EXOC1: variants seen among roughly 807,000 people sequenced by gnomAD.
EXOC1 encodes SEC3-like 1.
In EXOC1, 67 loss-of-function variants were observed where a neutral mutation model predicts 107.7. That is an observed-to-expected ratio of 0.62 (90% CI 0.51 to 0.76). The LOEUF is 0.76. Ranked by LOEUF, EXOC1 falls within the 30% of genes least tolerant of loss-of-function variation. The pLI is 0.00. For missense variants in EXOC1, 833 were observed against 1,055.7 expected, an observed-to-expected ratio of 0.79 and a Z score of 2.92; for synonymous variants, 348 against 353.5, an observed-to-expected ratio of 0.98 and a Z score of 0.17.
chr4:55,895,666 C>T (rs980465213), intron 15 of EXOC1, among the ~76,000 whole-genome samples: 2 of 152,114 alleles, frequency 1.3e-5, no homozygotes, highest in African/African-American at 4.8e-5. Flanking sequence ...TGTAATCATT[C>T]CTACTGAGTA....
Position 55,877,317 on chromosome 4 carries a change from G to A in EXOC1, c.1075-600G>A, listed in dbSNP as rs1722992916. 4.1e-6 allele frequency: 4 copies of A among 985,254 alleles called. No homozygotes were observed. In the Admixed American group the frequency reaches 2.5e-4, roughly 61 times the overall value. The allele number at this position is 985,254 out of a possible 1,614,324, so 61.0% of individuals were successfully genotyped here. On this transcript the variant is annotated intron_variant, in intron 8 of 18. Transcript: ENST00000381295. ...TGGCTATCTAGGCAAATTAGATTGA[G>A]TGAAAATTACATCAAATAAATCTGT...
intron 16 of EXOC1, among the ~76,000 whole-genome samples, chr4:55,899,291 T>TA (rs1725609106): frequency 6.6e-6 from 1 of 152,138 alleles, no homozygotes; most frequent in African/African-American, 2.4e-5. Flanking sequence ...CTTTAGTACT[T>TA]ATGATTGTAT....
At chr4:55,881,289 A>G (rs1162565745) in intron 9 of EXOC1, among the ~76,000 whole-genome samples, 3 of 152,096 alleles carry the variant, frequency 2.0e-5, no homozygotes, top group African/African-American at 7.2e-5. Flanking sequence ...TTGGGTAGGA[A>G]AGGAGTTTTC....
intron 12 of EXOC1, 71 bp downstream of exon 12, chr4:55,890,457 A>T: frequency 7.2e-7 from 1 of 1,389,704 alleles, no homozygotes; most frequent in South Asian, 1.2e-5. Flanking sequence ...GGTTGCTCTA[A>T]GTGTGTTCAA....
chr4:55,877,506 A>G, intron 8 of EXOC1: 2 of 984,786 alleles, frequency 2.0e-6, no homozygotes, highest in Middle Eastern at 5.2e-4. Flanking sequence ...CTCTAATGGG[A>G]ATACCATAAA....
At position 55,868,474 on chromosome 4, in the gene EXOC1, C is replaced by T. The variant is rs773470317; in HGVS notation, c.554C>T (p.Ala185Val). 1.2e-5 allele frequency: 19 copies of T among 1,613,234 alleles called. No homozygotes were observed. The highest frequency in any genetic ancestry group is 2.2e-5 in the South Asian group (2 of 91,042). The change falls in exon 5 of 19, where the codon GCG becomes GTG. Residue 185 changes from alanine to valine, a missense_variant. This residue lies in a region of EXOC1 where 617 missense variants were observed against 701.3 expected (regional missense o/e 0.88). Transcript: ENST00000381295. ...MEGCEYAISN[A>V]EAFAEKLSRE... ...GGCTGTGAATATGCAATCTCGAATG[C>T]GGAAGCCTTTGCAGAAAAATTGTCC...
rs534578978 is a variant in EXOC1 at position 55,877,625 on chromosome 4, C to T, written c.1075-292C>T. 51 of 985,328 alleles carry T rather than the reference C, an allele frequency of 5.2e-5. 1 individual carries two copies. In the African/African-American group the frequency reaches 8.9e-4, roughly 17 times the overall value. 61.0% of individuals were successfully genotyped at this position (985,328 alleles called of 1,614,324 possible). A position where few individuals can be genotyped will look rare whatever the true frequency, so the allele number is the denominator to read the frequency against. On this transcript the variant is annotated intron_variant, in intron 8 of 18. Transcript: ENST00000381295. ...AATATGGTATGAGAGAGACAAGCTT[C>T]ATTAAAACGTTCCATCTTCATTCCT...
chr4:55,871,168 G>A lies in EXOC1; in HGVS notation c.899G>A (p.Gly300Asp). Residue 300 changes from glycine to aspartate, a missense_variant, in exon 7 of 19, where the codon GGC becomes GAC. By Grantham distance (94) the Gly-to-Asp change is moderately conservative. Transcript: ENST00000381295. The part of the protein sequence containing the change: ...LQEGDLASSR[G>D]IEACTNAADA... Reference sequence around the variant, plus strand: ...GAAGGAGATCTTGCTTCTTCCAGAGGCATTGAGGCCTGCACCAATGCTGCT... The same window carrying A: ...GAAGGAGATCTTGCTTCTTCCAGAGACATTGAGGCCTGCACCAATGCTGCT... The A allele has an allele frequency of 1.2e-6, 2 of 1,613,936 alleles. No individual in the cohort carries two copies. The highest frequency in any genetic ancestry group is 1.1e-5 in the South Asian group (1 of 91,072).
At chr4:55,901,767 A>G (rs958240313) in intron 17 of EXOC1, among the ~76,000 whole-genome samples, 1 of 152,174 alleles carries the variant, frequency 6.6e-6, no homozygotes, top group Non-Finnish European at 1.5e-5. Context: ...TGACAGAAAT[A>G]TAAATTGGTT....
intron 8 of EXOC1, chr4:55,875,496 G>C (rs942844777): frequency 2.1e-6 from 2 of 973,190 alleles, no homozygotes; most frequent in African/African-American, 3.5e-5. Context: ...GCTTAAGAGT[G>C]CAGACACTAG....
intron 9 of EXOC1, among the ~76,000 whole-genome samples, chr4:55,881,500 A>C (rs1012735908): frequency 2.6e-4 from 39 of 152,130 alleles, no homozygotes; most frequent in African/African-American, 9.4e-4. Flanking sequence ...GGAGGTCCTG[A>C]CGACATGTGC....
At chr4:55,854,155 CA>C (rs1383755204) in intron 1 of EXOC1, among the ~76,000 whole-genome samples, 2 of 152,094 alleles carry the variant, frequency 1.3e-5, no homozygotes, top group Non-Finnish European at 2.9e-5. Context: ...CCTCTTTGTC[CA>C]AATTCACATC....
chr4:55,883,219 T>G (rs952858227), intron 9 of EXOC1: 1 of 152,180 alleles, frequency 6.6e-6, no homozygotes, highest in African/African-American at 2.4e-5. Context: ...TGAAACTAAA[T>G]ATTCTTAAGT....
chr4:55,865,417 A>G (rs975831862), intron 4 of EXOC1, among the ~76,000 whole-genome samples: 6 of 152,210 alleles, frequency 3.9e-5, no homozygotes. Context: ...GTCAGCCACC[A>G]GTAGTGCTGG....
At chr4:55,880,967 G>A (rs376741309) in intron 9 of EXOC1, among the ~76,000 whole-genome samples, 5 of 152,226 alleles carry the variant, frequency 3.3e-5, no homozygotes, top group African/African-American at 1.2e-4. Flanking sequence ...AAAAAAGAAG[G>A]AAACAGACCA....
At chr4:55,868,709 T>C (rs1487269336) in intron 5 of EXOC1, 186 bp downstream of exon 5, 3 of 464,284 alleles carry the variant, frequency 6.5e-6, no homozygotes, top group Non-Finnish European at 1.1e-5. Context: ...CTATTCCTGT[T>C]AAGCCAATGA....
intron 9 of EXOC1, among the ~76,000 whole-genome samples, chr4:55,878,680 G>A (rs1577724390): frequency 6.6e-6 from 1 of 152,122 alleles, no homozygotes; most frequent in Non-Finnish European, 1.5e-5. Flanking sequence ...AATAATGAGT[G>A]CAATTAAATA....
chr4:55,864,767 C>T (rs1721800655), intron 4 of EXOC1, among the ~76,000 whole-genome samples: 1 of 152,112 alleles, frequency 6.6e-6, no homozygotes, highest in Non-Finnish European at 1.5e-5. Flanking sequence ...TCAGTAGCAC[C>T]ATAGTATTCC....
chr4:55,886,559 CAAAAAAACAAAAAAACAAAAAAA>C (rs1371221226), intron 10 of EXOC1, among the ~76,000 whole-genome samples: 1 of 115,172 alleles, frequency 8.7e-6, no homozygotes, highest in Non-Finnish European at 1.9e-5. Flanking sequence ...TCTCAAAAAA[CAAAAAAACAAAAAAACAAAAAAA>C]AAAAAAACAA....
Sources: gnomAD v4.1 joint callset for allele counts (sites outside exome capture counted in the v4.1 genomes callset) on GRCh38, gnomAD v4.1.1 for gene constraint, gnomAD v4.1.1 regional missense constraint, MANE v1.5 for transcripts, NCBI Gene and HGNC (gene_info 2026-07-23, HGNC 2026-07-21) for gene names.